Variants in USP34 observed in about 807,000 individuals in gnomAD.
USP34 encodes the protein ubiquitin specific peptidase 34.
In USP34, 70 loss-of-function variants were observed where a neutral mutation model predicts 460.3. That is an observed-to-expected ratio of 0.15 (90% CI 0.13 to 0.19). The LOEUF (loss-of-function observed/expected upper bound fraction) is 0.19, where lower values mean the gene tolerates loss of function less well. USP34 is among the 10% of genes least tolerant of loss of function. The pLI is 1.00. For missense variants in USP34, 3,985 were observed against 4,236.2 expected, an observed-to-expected ratio of 0.94 and a Z score of 1.65; for synonymous variants, 1,647 against 1,405.3, an observed-to-expected ratio of 1.17 and a Z score of -3.85.
intron 1 of USP34, among the ~76,000 whole-genome samples, chr2:61,432,085 A>C (rs1026919667): frequency 2.0e-5 from 3 of 152,090 alleles, no homozygotes; most frequent in African/African-American, 7.2e-5. Flanking sequence ...TCACGCCTGT[A>C]ATCACAGCAC....
chr2:61,341,694 T>G (rs1691606023), intron 16 of USP34, among the ~76,000 whole-genome samples: 1 of 151,096 alleles, frequency 6.6e-6, no homozygotes, highest in Non-Finnish European at 1.5e-5. Context: ...TTGCACAACC[T>G]GCACAACTGT....
At chr2:61,243,341 T>A (rs1453491915) in intron 51 of USP34, among the ~76,000 whole-genome samples, 2 of 151,728 alleles carry the variant, frequency 1.3e-5, no homozygotes, top group African/African-American at 4.8e-5. Flanking sequence ...GAGGTGGGGT[T>A]TCCCCACATT....
intron 34 of USP34, among the ~76,000 whole-genome samples, chr2:61,287,480 G>T (rs1689724249): frequency 6.6e-6 from 1 of 152,164 alleles, no homozygotes; most frequent in African/African-American, 2.4e-5. Flanking sequence ...GGTCTGAACT[G>T]CACAGATCCA....
intron 2 of USP34, among the ~76,000 whole-genome samples, chr2:61,419,208 A>G (rs577244526): frequency 6.6e-6 from 1 of 152,028 alleles, no homozygotes; most frequent in South Asian, 2.1e-4. Flanking sequence ...TTAAATAGAG[A>G]TGGGGTCTCG....
intron 75 of USP34, chr2:61,200,241 G>C (rs951592136): frequency 3.3e-5 from 5 of 152,342 alleles, no homozygotes; most frequent in Non-Finnish European, 7.3e-5. Flanking sequence ...TTTTTGTAGA[G>C]AAGGGGTCTC....
chr2:61,445,696 G>A (rs1408794602), intron 1 of USP34, among the ~76,000 whole-genome samples: 1 of 150,062 alleles, frequency 6.7e-6, no homozygotes, highest in South Asian at 2.1e-4. Flanking sequence ...CAGTGGCTCT[G>A]CCTGTAATCC....
chr2:61,350,790 G>T (rs1691921304), intron 10 of USP34, 97 bp from the exon 11 acceptor site: 2 of 1,283,564 alleles, frequency 1.6e-6, no homozygotes, highest in African/African-American at 3.0e-5. Flanking sequence ...AAGTTGGCCA[G>T]TACACTAATA....
chr2:61,405,232 C>CAAAAAAAAAAAAA (rs199659618), intron 3 of USP34, among the ~76,000 whole-genome samples: 4 of 78,060 alleles, frequency 5.1e-5, no homozygotes, highest in African/African-American at 9.9e-5. Flanking sequence ...GACTCCATCT[C>CAAAAAAAAAAAAA]AAAAAAAAAA....
intron 25 of USP34, among the ~76,000 whole-genome samples, chr2:61,313,531 T>C (rs1176869494): frequency 6.6e-6 from 1 of 152,194 alleles, no homozygotes; most frequent in East Asian, 1.9e-4. Flanking sequence ...TTTCATTTTC[T>C]ACATCACAGT....
chr2:61,314,057 CAGGTT>C (rs1436307992), intron 25 of USP34, among the ~76,000 whole-genome samples: 1 of 151,778 alleles, frequency 6.6e-6, no homozygotes, highest in Non-Finnish European at 1.5e-5. Flanking sequence ...CTGTATTACA[CAGGTT>C]ATGTCTAAAT....
intron 2 of USP34, among the ~76,000 whole-genome samples, chr2:61,418,983 ATG>A (rs979867822): frequency 1.1e-4 from 16 of 152,094 alleles, no homozygotes; most frequent in African/African-American, 3.6e-4. Flanking sequence ...TAATTAAAAT[ATG>A]TGTTTATTAA....
chr2:61,221,242 T>C (rs1687573802), intron 66 of USP34, among the ~76,000 whole-genome samples: 1 of 152,192 alleles, frequency 6.6e-6, no homozygotes, highest in South Asian at 2.1e-4. Flanking sequence ...TTTGTATTTC[T>C]AGGACTTCTA....
In USP34 at chr2:61,380,148, A is replaced by T. The variant is rs574974338; in HGVS notation, c.1014+21T>A. On this transcript the variant is annotated intron_variant, in intron 7 of 79. Coordinates refer to ENST00000398571, the MANE Select transcript of USP34 (RefSeq NM_014709.4). ...AGAAAACAAATAAACGATGACCAAA[A>T]ATAAAACAAATACAGCTTACTGTTA... 3.1e-5 allele frequency: 49 copies of T among 1,599,332 alleles called. No individual in the cohort carries two copies. The South Asian group carries it at 5.1e-4, about 17-fold the overall frequency.
chr2:61,295,029 T>C lies in USP34; in HGVS notation c.4381A>G (p.Ser1461Gly). ...NRRIRRESTG[S>G]YSDLYPDSDD... ...GAATCTGGATAAAGATCACTGTAAC[T>C]TCCCTATGAGAAAGGCAAAAAAAGT... Residue 1461 changes from serine (S) to glycine (G), a missense_variant, in exon 32 of 80, where the codon AGT becomes GGT. This residue lies in a region of USP34 where 1,114 missense variants were observed against 1,122.5 expected (regional missense o/e 0.99). Transcript: ENST00000398571. 6.2e-7 allele frequency: 1 copy of C among 1,611,080 alleles called. No individual in the cohort carries two copies. The highest frequency in any genetic ancestry group is 8.5e-7 in the Non-Finnish European group (1 of 1,179,226).
At chr2:61,390,229 T>C (rs777984767) in intron 5 of USP34, among the ~76,000 whole-genome samples, 16 of 152,314 alleles carry the variant, frequency 1.1e-4, no homozygotes, top group East Asian at 1.9e-4. Context: ...CTTGTCTCTA[T>C]TGGATTCTTT....
At chr2:61,386,342 A>G (rs1018483436) in intron 5 of USP34, among the ~76,000 whole-genome samples, 12 of 152,188 alleles carry the variant, frequency 7.9e-5, no homozygotes, top group Non-Finnish European at 1.5e-4. Flanking sequence ...CAGTGTTAGG[A>G]ACACTGGATA....
intron 10 of USP34, among the ~76,000 whole-genome samples, chr2:61,369,910 A>T (rs1692562802): frequency 6.6e-6 from 1 of 151,658 alleles, no homozygotes; most frequent in African/African-American, 2.4e-5. Context: ...GAGATGGGGC[A>T]GAAAGGAAAA....
At chr2:61,274,783 G>C (rs1328249020) in intron 41 of USP34, among the ~76,000 whole-genome samples, 2 of 152,192 alleles carry the variant, frequency 1.3e-5, no homozygotes, top group African/African-American at 4.8e-5. Context: ...TCCACAGACA[G>C]TTAACTTGGT....
At chr2:61,360,554 A>T (rs941798214) in intron 10 of USP34, among the ~76,000 whole-genome samples, 6 of 152,188 alleles carry the variant, frequency 3.9e-5, no homozygotes, top group African/African-American at 1.4e-4. Context: ...AGAAACACAT[A>T]AATAAAAAGA....
Sources: allele counts gnomAD v4.1 joint callset (sites outside exome capture counted in the v4.1 genomes callset), GRCh38; gene constraint gnomAD v4.1.1; regional missense constraint gnomAD v4.1.1; transcripts MANE v1.5; gene names NCBI Gene and HGNC (gene_info 2026-07-23, HGNC 2026-07-21).